GABRA2: variants seen among roughly 807,000 people sequenced by gnomAD.
GABRA2 encodes gamma-aminobutyric acid receptor subunit alpha-2.
In GABRA2, 16 loss-of-function variants were observed where a neutral mutation model predicts 48.7. The observed-to-expected ratio is 0.33, with a 90% CI of 0.22 to 0.50. The LOEUF is 0.50. Among genes scored for constraint, GABRA2 ranks in the 20% least tolerant of loss-of-function variants. GABRA2 has a pLI of 0.98. For missense variants in GABRA2, 275 were observed against 535.6 expected (o/e 0.51, Z 4.80); for synonymous variants, 185 against 184.5 (o/e 1.00, Z -0.02).
chr4:46,292,115 A>C (rs1723784544), intron 8 of GABRA2, among the ~76,000 whole-genome samples: 1 of 152,152 alleles, frequency 6.6e-6, no homozygotes, highest in South Asian at 2.1e-4. Context: ...GATTCTACAC[A>C]TAATACCTTT....
At chr4:46,367,722 GA>G (rs1714263109) in intron 3 of GABRA2, 1 of 152,030 alleles carries the variant, frequency 6.6e-6, no homozygotes, top group Admixed American at 6.6e-5. Flanking sequence ...CAAAGTTGCA[GA>G]ATTATACATC....
intron 3 of GABRA2, among the ~76,000 whole-genome samples, chr4:46,372,994 T>A (rs1715138292): frequency 6.6e-6 from 1 of 152,140 alleles, no homozygotes; most frequent in African/African-American, 2.4e-5. Context: ...TTGCTTAACA[T>A]CCCAGCTGTT....
intron 9 of GABRA2, among the ~76,000 whole-genome samples, chr4:46,254,970 G>A (rs1715514462): frequency 6.6e-6 from 1 of 151,498 alleles, no homozygotes. Context: ...ACCATAACCA[G>A]GCTAACACTG....
At chr4:46,290,280 G>T in intron 8 of GABRA2, among the ~76,000 whole-genome samples, 1 of 151,262 alleles carries the variant, frequency 6.6e-6, no homozygotes, top group Non-Finnish European at 1.5e-5. Context: ...ATATAAATTT[G>T]AGAACTAGTT....
intron 8 of GABRA2, among the ~76,000 whole-genome samples, chr4:46,282,101 A>G (rs1721642436): frequency 6.6e-6 from 1 of 152,176 alleles, no homozygotes; most frequent in African/African-American, 2.4e-5. Flanking sequence ...AGTGAAGTAC[A>G]AAGCAAGTTC....
In GABRA2 at chr4:46,361,734, G is replaced by C. The variant is rs144486338; in HGVS notation, c.187+24340C>G. Among the ~76,000 whole-genome samples the C allele has an allele frequency of 2.0e-5, 3 of 152,372 alleles. No homozygotes were observed. In the East Asian group the frequency reaches 5.8e-4, roughly 29 times the overall value. The stretch of plus-strand genomic sequence containing the variant: ...CACTCAACGCTAGCCTGTGAAAGCA[G>C]CCAGGAGGAGGGCTATACCCTACAA... On this transcript the variant is annotated intron_variant, in intron 3 of 9. Transcript: ENST00000381620.
chr4:46,286,219 T>A (rs1366035843), intron 8 of GABRA2, among the ~76,000 whole-genome samples: 2 of 152,220 alleles, frequency 1.3e-5, no homozygotes, highest in East Asian at 3.9e-4. Flanking sequence ...ACCATTTTTG[T>A]CTGGCTTCTT....
chr4:46,313,373 T>C (rs986863001), intron 4 of GABRA2, among the ~76,000 whole-genome samples: 6 of 152,044 alleles, frequency 3.9e-5, no homozygotes, highest in Non-Finnish European at 8.8e-5. Context: ...TCTTAGGAGA[T>C]AATTTCAATA....
At chr4:46,297,336 T>A (rs1211085558) in intron 8 of GABRA2, among the ~76,000 whole-genome samples, 1 of 151,626 alleles carries the variant, frequency 6.6e-6, no homozygotes, top group African/African-American at 2.4e-5. Context: ...TCTCCTGTGC[T>A]GGATGCTTCC....
chr4:46,332,132 A>G (rs1042082773), intron 4 of GABRA2, among the ~76,000 whole-genome samples: 1 of 152,154 alleles, frequency 6.6e-6, no homozygotes. Flanking sequence ...TGTGCAGATT[A>G]TACGTATTGT....
At chr4:46,265,130 G>A (rs1225003293) in intron 8 of GABRA2, among the ~76,000 whole-genome samples, 1 of 149,812 alleles carries the variant, frequency 6.7e-6, no homozygotes, top group Admixed American at 6.7e-5. Flanking sequence ...GCACCTCCTG[G>A]GTTCAAACAA....
chr4:46,389,532 T>C, intron 1 of GABRA2: 1 of 517,452 alleles, frequency 1.9e-6, no homozygotes, highest in African/African-American at 2.1e-5. Context: ...GTGTCCTGGA[T>C]TTTATTGTAG....
At chr4:46,265,022 T>TAGAGAGAGAGAGAG (rs143456622) in intron 8 of GABRA2, among the ~76,000 whole-genome samples, 1 of 135,520 alleles carries the variant, frequency 7.4e-6, no homozygotes, top group Non-Finnish European at 1.6e-5. Context: ...GAGAGAGAGA[T>TAGAGAGAGAGAGAG]AGAGAGAGAG....
chr4:46,310,263 T>C lies in GABRA2; in HGVS notation c.477-8A>G. 2 of 1,609,758 alleles carry C rather than the reference T, an allele frequency of 1.2e-6. No individual in the cohort carries two copies. The highest frequency in any genetic ancestry group is 1.7e-6 in the Non-Finnish European group (2 of 1,176,378). ...TCAGCTTGAACTGTAAGCCTAAAAGTCAAAATTTCACTATTTGTTTAAGTA... is the reference window on the plus strand; with the variant it reads ...TCAGCTTGAACTGTAAGCCTAAAAGCCAAAATTTCACTATTTGTTTAAGTA... On this transcript the variant is annotated splice_polypyrimidine_tract_variant and splice_region_variant and intron_variant, in intron 5 of 9. Coordinates refer to ENST00000381620, the MANE Select transcript of GABRA2 (RefSeq NM_000807.4).
intron 3 of GABRA2, among the ~76,000 whole-genome samples, chr4:46,336,814 G>A (rs1465786173): frequency 6.6e-6 from 1 of 152,052 alleles, no homozygotes; most frequent in African/African-American, 2.4e-5. Flanking sequence ...CTTAAGATAT[G>A]ATGGGGGTGG....
At chr4:46,387,719 G>C (rs1217071467) in intron 2 of GABRA2, among the ~76,000 whole-genome samples, 1 of 152,056 alleles carries the variant, frequency 6.6e-6, no homozygotes, top group Non-Finnish European at 1.5e-5. Context: ...GAGATAGATG[G>C]CGTCTCAATT....
At chr4:46,368,933 G>A (rs1714464158) in intron 3 of GABRA2, 1 of 694,788 alleles carries the variant, frequency 1.4e-6, no homozygotes, top group Admixed American at 2.0e-5. Context: ...CCCATGGAGA[G>A]CATTTGAGTT....
At position 46,303,325 on chromosome 4, in the gene GABRA2, T is replaced by A. The variant is rs1577974941; in HGVS notation, c.856+135A>T. 3.8e-6 allele frequency: 3 copies of A among 790,882 alleles called. No homozygotes were observed. In the East Asian group the frequency reaches 8.0e-5, roughly 21 times the overall value. The allele number at this position is 790,882 out of a possible 1,614,324, so 49.0% of individuals were successfully genotyped here. Reference sequence around the variant, plus strand: ...ATGTTACCACTCTGAGCCTACTTCTTCACCTATAAGGCAAAAACAATACTC... The same window carrying A: ...ATGTTACCACTCTGAGCCTACTTCTACACCTATAAGGCAAAAACAATACTC... On this transcript the variant is annotated intron_variant, in intron 8 of 9. Transcript: ENST00000381620.
chr4:46,262,481 C>T (rs1209951809), intron 8 of GABRA2, among the ~76,000 whole-genome samples: 2 of 151,994 alleles, frequency 1.3e-5, no homozygotes, highest in African/African-American at 4.8e-5. Flanking sequence ...GTCCCATTGA[C>T]AATTAATATA....
Sources: gnomAD v4.1 joint callset for allele counts (sites outside exome capture counted in the v4.1 genomes callset) on GRCh38, gnomAD v4.1.1 for gene constraint, MANE v1.5 for transcripts, NCBI Gene and HGNC (gene_info 2026-07-23, HGNC 2026-07-21) for gene names.